The following ALKBH8 variants were observed in gnomAD, a reference collection of about 807,000 sequenced individuals.
ALKBH8 encodes alkB homolog 8, tRNA methyltransferase.
Under a neutral mutation model 59.8 loss-of-function variants are expected in ALKBH8, and 36 were observed. The observed-to-expected ratio is 0.60, with a 90% CI of 0.46 to 0.79. The LOEUF (loss-of-function observed/expected upper bound fraction) is 0.79. Ranked by LOEUF, ALKBH8 falls within the 30% of genes least tolerant of loss-of-function variation. ALKBH8 has a pLI of 0.00. For missense variants in ALKBH8, 768 were observed against 801.0 expected (o/e 0.96, Z 0.50); for synonymous variants, 276 against 273.6 (o/e 1.01, Z -0.09).
rs142903431 is a variant in ALKBH8, at chr11:107,546,271, G to A, written c.771+3482C>T. On this transcript the variant is annotated intron_variant, in intron 7 of 11. Transcript: ENST00000428149. ...TCATTATCAGCTGACCAACTCTTAC[G>A]GTACTTGATGAACTGAGTTATCTGC... is the stretch of plus-strand genomic sequence containing the variant. Among the ~76,000 whole-genome samples, 299 of 152,154 alleles carry A rather than the reference G, an allele frequency of 2.0e-3. 1 individual carries two copies. The highest frequency in any genetic ancestry group is 6.9e-3 in the African/African-American group (286 of 41,496).
intron 10 of ALKBH8, among the ~76,000 whole-genome samples, chr11:107,512,615 A>T (rs1350141233): frequency 2.0e-5 from 3 of 152,174 alleles, no homozygotes; most frequent in Non-Finnish European, 4.4e-5. Flanking sequence ...ACCAGGCCAC[A>T]AGAAATGTTA....
chr11:107,560,903 TA>T lies in ALKBH8; in HGVS notation c.-6-5del. Reference sequence around the variant, plus strand: ...GATGGTTGCTGTCCATAGCAAACTGTAAAAAAACAAGACAGTAAAAAAGTCA... The same window carrying T: ...GATGGTTGCTGTCCATAGCAAACTGTAAAAAACAAGACAGTAAAAAAGTCA... On this transcript the variant is annotated splice_region_variant and splice_polypyrimidine_tract_variant and intron_variant, in intron 1 of 11. Transcript: ENST00000428149. 3.2e-6 allele frequency: 5 copies of T among 1,551,660 alleles called. No homozygotes were observed. The Middle Eastern group carries it at 8.9e-4, about 277-fold the overall frequency.
intron 11 of ALKBH8, among the ~76,000 whole-genome samples, chr11:107,506,281 C>A (rs1862380383): frequency 6.6e-6 from 1 of 152,094 alleles, no homozygotes; most frequent in Non-Finnish European, 1.5e-5. Context: ...ACTTTATCTG[C>A]TTCTCCTTAG....
At chr11:107,532,592 A>G (rs889855575) in intron 7 of ALKBH8, among the ~76,000 whole-genome samples, 186 bp from the exon 8 acceptor site, 1 of 152,220 alleles carries the variant, frequency 6.6e-6, no homozygotes, top group Non-Finnish European at 1.5e-5. Context: ...GAATGACAAA[A>G]AAAAGGTATT....
intron 7 of ALKBH8, among the ~76,000 whole-genome samples, chr11:107,534,116 C>T (rs1281321246): frequency 1.3e-5 from 2 of 151,858 alleles, no homozygotes; most frequent in East Asian, 1.9e-4. Flanking sequence ...GGAAACAGAG[C>T]GAGACACCGT....
intron 7 of ALKBH8, among the ~76,000 whole-genome samples, chr11:107,536,894 G>T (rs1565333612): frequency 3.3e-5 from 5 of 152,120 alleles, no homozygotes; most frequent in Admixed American, 3.3e-4. Context: ...AGGCATAAGA[G>T]CATAACCAGC....
At chr11:107,530,721 A>T (rs1370713475) in intron 8 of ALKBH8, among the ~76,000 whole-genome samples, 1 of 152,124 alleles carries the variant, frequency 6.6e-6, no homozygotes, top group Non-Finnish European at 1.5e-5. Context: ...TCCCCTAAAA[A>T]TACTGTAGAG....
At chr11:107,560,948 G>A (rs972107360) in intron 1 of ALKBH8, 49 bp from the exon 2 acceptor site, 16 of 1,493,110 alleles carry the variant, frequency 1.1e-5, no homozygotes, top group Non-Finnish European at 1.4e-5. Flanking sequence ...AGTCCTGAAG[G>A]AACAATTATA....
chr11:107,519,043 G>A (rs535574345), intron 10 of ALKBH8, among the ~76,000 whole-genome samples: 3 of 152,092 alleles, frequency 2.0e-5, no homozygotes, highest in Non-Finnish European at 4.4e-5. Context: ...GGCCTCAAGC[G>A]ATCCTCCCTC....
intron 8 of ALKBH8, among the ~76,000 whole-genome samples, chr11:107,526,626 C>T (rs888366138): frequency 5.3e-5 from 8 of 151,832 alleles, no homozygotes; most frequent in African/African-American, 1.9e-4. Context: ...GTTATGAAAT[C>T]TCTCTTTAAA....
chr11:107,560,728 C>T, intron 2 of ALKBH8, 37 bp downstream of exon 2: 1 of 1,561,556 alleles, frequency 6.4e-7, no homozygotes, highest in East Asian at 2.3e-5. Flanking sequence ...CATGTCAGTA[C>T]ATTTACATTC....
chr11:107,553,904 C>A lies in ALKBH8; in HGVS notation c.442G>T (p.Glu148Ter), dbSNP rs747951213. The A allele has an allele frequency of 3.1e-6, 5 of 1,613,774 alleles. No individual in the cohort carries two copies. In the African/African-American group the frequency reaches 4.0e-5, roughly 13 times the overall value. Residue 148 changes from glutamate to a stop codon, truncating the protein, a stop_gained, in exon 4 of 12, where the codon GAG (glutamate) becomes TAG (stop). Transcript: ENST00000428149. LOFTEE classifies it high-confidence loss of function. ...MVVEEIISSE[E>*]EKMLLESVDW... ...ACACTTTCCAAAAGCATTTTCTCCT[C>A]CTCAGAAGAAATTATTTCTTCTACT...
rs547369998 is a variant in ALKBH8 at position 107,547,093 on chromosome 11, G to A, written c.771+2660C>T. Among the ~76,000 whole-genome samples the A allele has an allele frequency of 3.9e-5, 6 of 151,986 alleles. No individual in the cohort carries two copies. The East Asian group carries it at 1.2e-3, about 29-fold the overall frequency. On this transcript the variant is annotated intron_variant, in intron 7 of 11. Coordinates refer to ENST00000428149, the MANE Select transcript of ALKBH8 (RefSeq NM_138775.3). ...ACATTATATTTAAGCCAAACAAAAC[G>A]AAAAAGCATTACAAAAAACCAAAAC...
At chr11:107,562,462 C>T (rs552890036) in intron 1 of ALKBH8, among the ~76,000 whole-genome samples, 4 of 152,118 alleles carry the variant, frequency 2.6e-5, no homozygotes, top group African/African-American at 9.6e-5. Context: ...ACATGTTTGG[C>T]CAAGACACCA....
intron 8 of ALKBH8, among the ~76,000 whole-genome samples, chr11:107,527,705 G>A (rs1305731079): frequency 6.6e-6 from 1 of 151,804 alleles, no homozygotes; most frequent in Non-Finnish European, 1.5e-5. Flanking sequence ...ATTAGTTCTG[G>A]AACTTGTATT....
Position 107,549,747 on chromosome 11 carries a change from AT to A in ALKBH8, c.771+5del. 6.5e-7 allele frequency: 1 copy of A among 1,539,170 alleles called. No homozygotes were observed. The highest frequency in any genetic ancestry group is 8.8e-7 in the Non-Finnish European group (1 of 1,135,806). On this transcript the variant is annotated splice_donor_5th_base_variant and intron_variant, in intron 7 of 11. Transcript: ENST00000428149. ...ATGATGATAGCTAATAAAAATGACC[AT>A]TTACCTCTGACCCCAAACTGAGAGA...
At chr11:107,519,514 CAG>C (rs1369131377) in intron 10 of ALKBH8, among the ~76,000 whole-genome samples, 5 of 152,024 alleles carry the variant, frequency 3.3e-5, no homozygotes, top group Non-Finnish European at 7.4e-5. Flanking sequence ...GAGAAATAAA[CAG>C]AGGCAGTAAA....
chr11:107,536,209 C>T (rs1863808194), intron 7 of ALKBH8, among the ~76,000 whole-genome samples: 1 of 152,252 alleles, frequency 6.6e-6, no homozygotes, highest in Non-Finnish European at 1.5e-5. Context: ...TTCTCTCCAA[C>T]CACTCGGCAG....
In ALKBH8 at chr11:107,522,295, T is replaced by C; in HGVS notation, c.1287+4A>G. The C allele has an allele frequency of 6.4e-7, 1 of 1,551,158 alleles. No individual in the cohort carries two copies. The highest frequency in any genetic ancestry group is 8.7e-7 in the Non-Finnish European group (1 of 1,146,592). ...AAAAGAAAGTCAAAAGCAACATTAC[T>C]TGCCATATATAACTCCTTATTGATG... On this transcript the variant is annotated splice_donor_region_variant and intron_variant, in intron 10 of 11. Coordinates refer to ENST00000428149, the MANE Select transcript of ALKBH8 (RefSeq NM_138775.3).
Sources: gnomAD v4.1 joint callset for allele counts (sites outside exome capture counted in the v4.1 genomes callset) on GRCh38, gnomAD v4.1.1 for gene constraint, MANE v1.5 for transcripts, NCBI Gene and HGNC (gene_info 2026-07-23, HGNC 2026-07-21) for gene names.